Variants in FILIP1L observed in about 807,000 individuals in gnomAD.
The protein encoded by FILIP1L is filamin A-interacting protein 1-like.
In FILIP1L, 55 loss-of-function variants were observed where a neutral mutation model predicts 96.6. That is an observed-to-expected ratio of 0.57 (90% confidence interval 0.46 to 0.71). FILIP1L has a LOEUF of 0.71. FILIP1L is among the 30% of genes least tolerant of loss of function. The probability of loss-of-function intolerance (pLI) is 0.00; values close to 1 mark genes in which losing one functional copy is unlikely to be tolerated. For missense variants in FILIP1L, 1,304 were observed against 1,321.2 expected (o/e 0.99, Z 0.20); for synonymous variants, 467 against 473.9 (o/e 0.99, Z 0.19).
chr3:100,054,413 C>G (rs116728461), intron 1 of FILIP1L, among the ~76,000 whole-genome samples: 241 of 152,204 alleles, frequency 1.6e-3, no homozygotes, highest in Non-Finnish European at 2.6e-3. Flanking sequence ...AGTGGCTGTC[C>G]CGTCAAGTGG....
At chr3:99,965,300 A>C (rs147396490) in intron 1 of FILIP1L, among the ~76,000 whole-genome samples, 45 of 152,230 alleles carry the variant, frequency 3.0e-4, no homozygotes, top group Middle Eastern at 3.4e-3. Context: ...GAGTTTTATA[A>C]TTTTTTATCA....
chr3:100,076,122 A>G (rs968708223), intron 1 of FILIP1L, among the ~76,000 whole-genome samples: 22 of 152,228 alleles, frequency 1.4e-4, no homozygotes, highest in African/African-American at 5.3e-4. Context: ...TGTATAATTA[A>G]GAAATATATT....
chr3:99,885,723 A>C (rs972413835), intron 4 of FILIP1L, among the ~76,000 whole-genome samples: 1 of 152,160 alleles, frequency 6.6e-6, no homozygotes, highest in African/African-American at 2.4e-5. Context: ...TGTGGAACAG[A>C]TATCTTTCTC....
At chr3:99,932,518 A>C (rs184692478) in intron 1 of FILIP1L, among the ~76,000 whole-genome samples, 299 of 152,230 alleles carry the variant, frequency 2.0e-3, no homozygotes, top group African/African-American at 6.7e-3. Context: ...ATGCTACTTC[A>C]AACATTCTTG....
chr3:99,890,016 T>C (rs139062219), intron 4 of FILIP1L, among the ~76,000 whole-genome samples: 1 of 152,246 alleles, frequency 6.6e-6, no homozygotes, highest in East Asian at 1.9e-4. Flanking sequence ...GACTTCTCTC[T>C]GGGACCACTT....
intron 1 of FILIP1L, among the ~76,000 whole-genome samples, chr3:99,937,642 G>A (rs1367595116): frequency 1.3e-5 from 2 of 152,212 alleles, no homozygotes; most frequent in African/African-American, 2.4e-5. Flanking sequence ...TGTTGTTAAT[G>A]TGTGTATCCC....
At chr3:99,862,763 C>G (rs1257430727) in intron 4 of FILIP1L, among the ~76,000 whole-genome samples, 1 of 152,196 alleles carries the variant, frequency 6.6e-6, no homozygotes, top group East Asian at 1.9e-4. Flanking sequence ...GCCTGTATAA[C>G]TCTTCTTAAT....
At chr3:99,927,004 G>T in intron 3 of FILIP1L, among the ~76,000 whole-genome samples, 1 of 152,092 alleles carries the variant, frequency 6.6e-6, no homozygotes, top group East Asian at 1.9e-4. Flanking sequence ...GGGCCAAAAG[G>T]CCCTTCACCA....
intron 1 of FILIP1L, among the ~76,000 whole-genome samples, chr3:100,065,053 G>T (rs2065640775): frequency 6.6e-6 from 1 of 152,168 alleles, no homozygotes; most frequent in Non-Finnish European, 1.5e-5. Context: ...TTGCTTTAGG[G>T]TCAGTCTCAT....
chr3:100,043,502 A>G (rs1021317239), intron 1 of FILIP1L, among the ~76,000 whole-genome samples: 2 of 152,036 alleles, frequency 1.3e-5, no homozygotes, highest in African/African-American at 2.4e-5. Context: ...GGTATTTATT[A>G]TGTCTCATTT....
intron 4 of FILIP1L, 93 bp from the exon 5 acceptor site, chr3:99,851,163 A>C: frequency 9.7e-7 from 1 of 1,031,234 alleles, no homozygotes; most frequent in Non-Finnish European, 1.4e-6. Flanking sequence ...AAATTATGTA[A>C]TTATATGAGC....
intron 1 of FILIP1L, among the ~76,000 whole-genome samples, chr3:100,076,085 T>G (rs2065845694): frequency 6.6e-6 from 1 of 152,218 alleles, no homozygotes; most frequent in Non-Finnish European, 1.5e-5. Flanking sequence ...TGATGCTTCC[T>G]GGAAACTCAC....
intron 1 of FILIP1L, among the ~76,000 whole-genome samples, chr3:100,109,594 T>A (rs2107473600): frequency 6.6e-6 from 1 of 152,284 alleles, no homozygotes; most frequent in East Asian, 1.9e-4. Context: ...ATGCAGCTTT[T>A]TCAGTCTGGA....
At chr3:100,013,131 C>T (rs1303060628) in intron 1 of FILIP1L, among the ~76,000 whole-genome samples, 1 of 152,100 alleles carries the variant, frequency 6.6e-6, no homozygotes, top group Non-Finnish European at 1.5e-5. Context: ...CCCACCTTGG[C>T]CTCCCAAAGT....
At chr3:99,913,484 A>G (rs548209021) in intron 4 of FILIP1L, among the ~76,000 whole-genome samples, 2 of 152,362 alleles carry the variant, frequency 1.3e-5, no homozygotes, top group East Asian at 3.9e-4. Flanking sequence ...ACTGAGAATC[A>G]ATTAACCAAA....
chr3:99,941,612 G>A (rs1043466332), intron 1 of FILIP1L, among the ~76,000 whole-genome samples: 2 of 152,138 alleles, frequency 1.3e-5, no homozygotes, highest in Non-Finnish European at 2.9e-5. Context: ...TATAATAAGG[G>A]AGATGAAACA....
chr3:99,972,772 G>T (rs532405971), intron 1 of FILIP1L, among the ~76,000 whole-genome samples: 1 of 152,184 alleles, frequency 6.6e-6, no homozygotes. Flanking sequence ...GATTAACTGG[G>T]TGTTAATGAT....
chr3:99,943,483 C>T (rs1255980439), intron 1 of FILIP1L, among the ~76,000 whole-genome samples: 1 of 152,150 alleles, frequency 6.6e-6, no homozygotes, highest in East Asian at 1.9e-4. Context: ...GCAGGTGGAT[C>T]ATCTGAGGTC....
intron 4 of FILIP1L, among the ~76,000 whole-genome samples, chr3:99,905,831 C>T (rs77882169): frequency 0.011 from 1,708 of 152,312 alleles, 18 homozygotes; most frequent in African/African-American, 0.025. Flanking sequence ...ATGGAATTTA[C>T]ATTGCCATCA....
Sources: gnomAD v4.1 joint callset for allele counts (sites outside exome capture counted in the v4.1 genomes callset) on GRCh38, gnomAD v4.1.1 for gene constraint, MANE v1.5 for transcripts, NCBI Gene and HGNC (gene_info 2026-07-23, HGNC 2026-07-21) for gene names.